Variants in LUZP2 observed in about 807,000 individuals in gnomAD.
LUZP2 encodes leucine zipper protein 2.
In LUZP2, 52 loss-of-function variants were observed where a neutral mutation model predicts 51.6. The observed-to-expected ratio is 1.01, with a 90% CI of 0.81 to 1.27. LUZP2 has a LOEUF of 1.27. Among genes scored for constraint, LUZP2 ranks in the 50% most tolerant of loss-of-function variants. LUZP2 has a pLI of 0.00. For missense variants in LUZP2, 436 were observed against 395.4 expected, an observed-to-expected ratio of 1.10 and a Z score of -0.87; for synonymous variants, 154 against 137.3, an observed-to-expected ratio of 1.12 and a Z score of -0.85.
chr11:24,702,574 G>A (rs191139384), intron 1 of LUZP2, among the ~76,000 whole-genome samples: 100 of 152,230 alleles, frequency 6.6e-4, no homozygotes, highest in Middle Eastern at 3.4e-3. Flanking sequence ...GACAGAAGGG[G>A]GAGGCCCCAG....
intron 4 of LUZP2, among the ~76,000 whole-genome samples, chr11:24,749,679 A>G (rs997113113): frequency 1.3e-5 from 2 of 152,160 alleles, no homozygotes; most frequent in East Asian, 3.9e-4. Flanking sequence ...AGGAATAGAC[A>G]GACCCTTGAG....
At chr11:24,546,208 A>T (rs752028787) in intron 1 of LUZP2, among the ~76,000 whole-genome samples, 4 of 152,094 alleles carry the variant, frequency 2.6e-5, no homozygotes, top group Non-Finnish European at 5.9e-5. Context: ...TCTTCGATAC[A>T]GGATTATATT....
At chr11:24,898,390 C>T (rs987072046) in intron 5 of LUZP2, among the ~76,000 whole-genome samples, 13 of 152,064 alleles carry the variant, frequency 8.5e-5, no homozygotes, top group African/African-American at 2.9e-4. Flanking sequence ...TTTGGGAGGC[C>T]GAGGTGGGCA....
chr11:25,075,456 T>G (rs1423420208), intron 10 of LUZP2, among the ~76,000 whole-genome samples: 1 of 152,198 alleles, frequency 6.6e-6, no homozygotes. Flanking sequence ...TATTTATTAC[T>G]TATTTAGAGA....
intron 1 of LUZP2, among the ~76,000 whole-genome samples, chr11:24,517,542 G>A (rs114023449): frequency 0.11 from 13,945 of 127,534 alleles, 1,298 homozygotes; most frequent in African/African-American, 0.25. Flanking sequence ...TTTTATGTAA[G>A]TTTTTTATAT....
chr11:25,017,601 T>A (rs867154747), intron 9 of LUZP2, among the ~76,000 whole-genome samples: 1 of 152,204 alleles, frequency 6.6e-6, no homozygotes, highest in South Asian at 2.1e-4. Flanking sequence ...TTTTCTATTC[T>A]GTTTCTTTCG....
intron 4 of LUZP2, chr11:24,763,011 T>G: frequency 4.8e-6 from 4 of 838,786 alleles, no homozygotes; most frequent in Non-Finnish European, 5.7e-6. Context: ...GGTTTCTCAA[T>G]TTAAAAAAAA....
chr11:24,652,305 C>T (rs1696878441), intron 1 of LUZP2, among the ~76,000 whole-genome samples: 2 of 152,080 alleles, frequency 1.3e-5, no homozygotes, highest in Admixed American at 6.6e-5. Flanking sequence ...GGAGCTATGA[C>T]TACACATAGC....
chr11:25,051,295 C>A (rs1033166550), intron 10 of LUZP2, among the ~76,000 whole-genome samples: 1 of 150,022 alleles, frequency 6.7e-6, no homozygotes, highest in South Asian at 2.1e-4. Flanking sequence ...CCTGCCTGGG[C>A]GACAGAGCGA....
intron 5 of LUZP2, among the ~76,000 whole-genome samples, chr11:24,808,315 C>T (rs1223896979): frequency 1.3e-5 from 2 of 152,064 alleles, no homozygotes; most frequent in Non-Finnish European, 2.9e-5. Context: ...GTGAAGGTCA[C>T]TAACATGTTT....
chr11:24,899,804 A>G (rs1387016514), intron 5 of LUZP2, among the ~76,000 whole-genome samples: 1 of 152,164 alleles, frequency 6.6e-6, no homozygotes, highest in Non-Finnish European at 1.5e-5. Context: ...TCATGAAGCA[A>G]TAACTGACAG....
intron 9 of LUZP2, among the ~76,000 whole-genome samples, chr11:25,003,986 G>C (rs1019217908): frequency 2.6e-5 from 4 of 152,192 alleles, no homozygotes; most frequent in African/African-American, 9.7e-5. Flanking sequence ...GGATGGTAAC[G>C]GACCTTGAAG....
chr11:24,551,727 T>C (rs1040354157), intron 1 of LUZP2, among the ~76,000 whole-genome samples: 1 of 151,986 alleles, frequency 6.6e-6, no homozygotes, highest in African/African-American at 2.4e-5. Context: ...ACCTAAAATA[T>C]AATAAAGGTA....
chr11:24,716,416 G>A (rs1158244472), intron 1 of LUZP2, among the ~76,000 whole-genome samples: 1 of 152,174 alleles, frequency 6.6e-6, no homozygotes, highest in Non-Finnish European at 1.5e-5. Context: ...CATGATAAGT[G>A]AGTCTATTGT....
intron 1 of LUZP2, among the ~76,000 whole-genome samples, chr11:24,652,511 G>A (rs76151125): frequency 2.6e-4 from 39 of 152,120 alleles, no homozygotes; most frequent in African/African-American, 8.7e-4. Context: ...AAGATTAAAC[G>A]TGAAAATCTA....
At chr11:24,897,842 A>G (rs1201229835) in intron 5 of LUZP2, among the ~76,000 whole-genome samples, 1 of 152,016 alleles carries the variant, frequency 6.6e-6, no homozygotes, top group Non-Finnish European at 1.5e-5. Context: ...CAATTGATTT[A>G]CTTATGGATT....
chr11:24,973,567 C>T (rs572908086), intron 7 of LUZP2, among the ~76,000 whole-genome samples: 2 of 151,692 alleles, frequency 1.3e-5, no homozygotes, highest in South Asian at 2.1e-4. Flanking sequence ...CTTTTTTTGA[C>T]GTGGGCTTTT....
intron 9 of LUZP2, among the ~76,000 whole-genome samples, chr11:25,044,186 CAT>C (rs1370273754): frequency 2.0e-4 from 12 of 60,468 alleles, no homozygotes; most frequent in African/African-American, 6.3e-4. Context: ...TACACACACA[CAT>C]ATATATGCAT....
chr11:24,675,911 C>G lies in LUZP2; in HGVS notation c.63-53258C>G, dbSNP rs12364048. Among the ~76,000 whole-genome samples the G allele has an allele frequency of 2.0e-5, 3 of 151,668 alleles. No individual in the cohort carries two copies. In the South Asian group the frequency reaches 6.3e-4, roughly 32 times the overall value. On this transcript the variant is annotated intron_variant, in intron 1 of 11. Transcript: ENST00000336930. ...TCGGCTCACTGCAACCTCCCCCTCC[C>G]GGGTTGAAGTGATTCTCATGCCTCA...
Sources: gnomAD v4.1 joint callset for allele counts (sites outside exome capture counted in the v4.1 genomes callset) on GRCh38, gnomAD v4.1.1 for gene constraint, MANE v1.5 for transcripts, NCBI Gene and HGNC (gene_info 2026-07-23, HGNC 2026-07-21) for gene names.